The following CCNJL variants were observed in gnomAD, a reference collection of about 807,000 sequenced individuals.
CCNJL encodes cyclin J like, also known as cyclin-J-like protein.
A neutral mutation model predicts 33.4 loss-of-function variants in CCNJL; 33 were observed. The ratio of observed to expected loss-of-function variants is 0.99; its 90% CI spans 0.75 to 1.32. The LOEUF is 1.32. Among genes scored for constraint, CCNJL ranks in the 40% most tolerant of loss-of-function variants. The pLI, the probability that CCNJL is intolerant of heterozygous loss-of-function variation, is 0.00. For missense variants in CCNJL, 512 were observed against 499.7 expected, an observed-to-expected ratio of 1.02 and a Z score of -0.23; for synonymous variants, 227 against 220.9, an observed-to-expected ratio of 1.03 and a Z score of -0.24.
chr5:160,270,619 C>T (rs1248675922), intron 3 of CCNJL, among the ~76,000 whole-genome samples: 1 of 152,118 alleles, frequency 6.6e-6, no homozygotes, highest in Non-Finnish European at 1.5e-5. Context: ...TAAACATTAA[C>T]GATCCCATCA....
chr5:160,329,849 T>C (rs943507997), intron 1 of CCNJL, among the ~76,000 whole-genome samples: 1 of 152,178 alleles, frequency 6.6e-6, no homozygotes, highest in Non-Finnish European at 1.5e-5. Flanking sequence ...TGAAACTCAA[T>C]TTGTTGACAT....
intron 2 of CCNJL, 140 bp downstream of exon 2, chr5:160,311,718 C>G: frequency 1.3e-6 from 1 of 758,858 alleles, no homozygotes; most frequent in South Asian, 1.6e-5. Context: ...CTCAGACACT[C>G]CGGGAGAAGG....
intron 2 of CCNJL, among the ~76,000 whole-genome samples, chr5:160,291,949 T>C (rs1001871528): frequency 5.9e-5 from 9 of 152,168 alleles, no homozygotes; most frequent in Admixed American, 2.0e-4. Flanking sequence ...AGGGGTGAAC[T>C]GGCCCGACTT....
At chr5:160,314,902 T>A (rs972603598), upstream of CCNJL, among the ~76,000 whole-genome samples, 1 of 152,170 alleles carries the variant, frequency 6.6e-6, no homozygotes, top group Admixed American at 6.5e-5. Context: ...TTTTGGTCAA[T>A]CCACAGTGTT....
chr5:160,260,265 T>C (rs1761262130), intron 3 of CCNJL, among the ~76,000 whole-genome samples: 1 of 152,168 alleles, frequency 6.6e-6, no homozygotes, highest in Admixed American at 6.5e-5. Context: ...AGCTCTTCAA[T>C]GGCTTCCCGC....
Position 160,319,228 on chromosome 5 carries a change from G to C in CCNJL, n.207-3723C>G, listed in dbSNP as rs560581094. ...CCTGGGTTCAACAAGGGATCCTCCT[G>C]CCTCAGCCTTTTGAGTAGCTGGGAC... On this transcript the variant is annotated intron_variant and non_coding_transcript_variant, in intron 1 of 7. Coordinates refer to the CCNJL transcript ENST00000377503. Among the ~76,000 whole-genome samples, 15 of 152,266 alleles carry C rather than the reference G, an allele frequency of 9.9e-5. No homozygotes were observed. In the South Asian group the frequency reaches 2.5e-3, roughly 25 times the overall value.
intron 3 of CCNJL, among the ~76,000 whole-genome samples, chr5:160,278,761 C>T (rs11747162): frequency 0.024 from 3,621 of 152,312 alleles, 53 homozygotes; most frequent in Non-Finnish European, 0.029. Context: ...CAGCGGGCCG[C>T]GATGCAGCCC....
intron 2 of CCNJL, among the ~76,000 whole-genome samples, chr5:160,307,647 C>A (rs1371400743): frequency 6.6e-6 from 1 of 152,268 alleles, no homozygotes; most frequent in African/African-American, 2.4e-5. Context: ...ATCTACTCCT[C>A]CTTTTGGTTC....
chr5:160,300,735 C>CTG (rs1762896072), intron 2 of CCNJL, among the ~76,000 whole-genome samples: 1 of 152,132 alleles, frequency 6.6e-6, no homozygotes, highest in African/African-American at 2.4e-5. Flanking sequence ...TCATAGCACA[C>CTG]TGCAGCCTCA....
chr5:160,291,770 C>T (rs370715516), intron 2 of CCNJL, among the ~76,000 whole-genome samples: 3 of 152,352 alleles, frequency 2.0e-5, no homozygotes, highest in East Asian at 1.9e-4. Context: ...ATGGCCATGG[C>T]ATCAGGAGCC....
intron 1 of CCNJL, among the ~76,000 whole-genome samples, chr5:160,337,996 GCTCAGCTGTATCAATCAAGCAGAA>G (rs1763703951): frequency 6.6e-6 from 1 of 152,122 alleles, no homozygotes; most frequent in Admixed American, 6.6e-5. Flanking sequence ...GCCAATCAGG[GCTCAGCTGTATCAATCAAGCAGAA>G]CTCAGCTGTA....
upstream of CCNJL, among the ~76,000 whole-genome samples, chr5:160,313,266 A>G (rs892768865): frequency 1.3e-5 from 2 of 152,240 alleles, no homozygotes; most frequent in Admixed American, 6.5e-5. Context: ...GCATTGGGCT[A>G]TCCTTCTTGG....
intron 2 of CCNJL, among the ~76,000 whole-genome samples, chr5:160,284,291 G>T (rs952497441): frequency 2.0e-5 from 3 of 152,120 alleles, no homozygotes; most frequent in Non-Finnish European, 4.4e-5. Flanking sequence ...GGAGGAGGCT[G>T]CAGTGACCCG....
chr5:160,280,013 G>A (rs1049109021), intron 3 of CCNJL, among the ~76,000 whole-genome samples: 1 of 152,262 alleles, frequency 6.6e-6, no homozygotes, highest in African/African-American at 2.4e-5. Flanking sequence ...GCTGTGCCCA[G>A]GCCTGGTGAC....
intron 3 of CCNJL, among the ~76,000 whole-genome samples, chr5:160,276,782 T>C (rs532583569): frequency 6.6e-6 from 1 of 152,158 alleles, no homozygotes; most frequent in East Asian, 1.9e-4. Context: ...GAATTTTATC[T>C]CTCTTTTTTT....
intron 2 of CCNJL, among the ~76,000 whole-genome samples, chr5:160,289,624 G>C (rs925583120): frequency 6.6e-6 from 1 of 152,084 alleles, no homozygotes; most frequent in African/African-American, 2.4e-5. Flanking sequence ...GGGTTCTCAA[G>C]CAGAAAGAGG....
At chr5:160,267,739 T>C (rs879706294) in intron 3 of CCNJL, among the ~76,000 whole-genome samples, 2 of 152,204 alleles carry the variant, frequency 1.3e-5, no homozygotes, top group Non-Finnish European at 2.9e-5. Flanking sequence ...ATTGTTTACT[T>C]GTTGAAGAGA....
chr5:160,308,494 A>T (rs1203779548), intron 2 of CCNJL, among the ~76,000 whole-genome samples: 1 of 152,226 alleles, frequency 6.6e-6, no homozygotes, highest in Non-Finnish European at 1.5e-5. Context: ...ACGGTGGCTC[A>T]CGCCTGTAAT....
chr5:160,320,850 C>CCTTCTTTCTTTCTTTCTTTCT (rs1763439163), intron 1 of CCNJL, among the ~76,000 whole-genome samples: 3 of 55,586 alleles, frequency 5.4e-5, no homozygotes, highest in African/African-American at 1.8e-4. Context: ...TCTTTCTTTC[C>CCTTCTTTCTTTCTTTCTTTCT]TTCTTTCTTT....
Sources: gnomAD v4.1 joint callset for allele counts (sites outside exome capture counted in the v4.1 genomes callset) on GRCh38, gnomAD v4.1.1 for gene constraint, MANE v1.5 for transcripts, NCBI Gene and HGNC (gene_info 2026-07-23, HGNC 2026-07-21) for gene names.